RUBCN: variants seen among roughly 807,000 people sequenced by gnomAD.
RUBCN encodes run domain Beclin-1-interacting and cysteine-rich domain-containing protein.
In RUBCN, 74 loss-of-function variants were observed where a neutral mutation model predicts 113.2. The ratio of observed to expected loss-of-function variants is 0.65; its 90% CI spans 0.54 to 0.79. The LOEUF (loss-of-function observed/expected upper bound fraction) is 0.79, where lower values mean the gene tolerates loss of function less well. Ranked by LOEUF, RUBCN falls within the 30% of genes least tolerant of loss-of-function variation. The pLI, the probability that RUBCN is intolerant of heterozygous loss-of-function variation, is 0.00. For synonymous variants in RUBCN, 480 were observed against 490.0 expected (o/e 0.98, Z 0.27); for missense variants, 1,109 against 1,251.7 (o/e 0.89, Z 1.72).
chr3:197,730,182 C>T (rs558831505), intron 1 of RUBCN, among the ~76,000 whole-genome samples: 2 of 152,108 alleles, frequency 1.3e-5, no homozygotes, highest in Admixed American at 1.3e-4. Flanking sequence ...GTAAGAGAAC[C>T]CTGATTTTCC....
chr3:197,712,447 A>C (rs1404628850), intron 2 of RUBCN, among the ~76,000 whole-genome samples: 2 of 152,216 alleles, frequency 1.3e-5, no homozygotes, highest in African/African-American at 4.8e-5. Flanking sequence ...ACGAGGGCAC[A>C]ACACCCAGAA....
At chr3:197,677,741 TCTGA>T (rs1254613853) in intron 16 of RUBCN, among the ~76,000 whole-genome samples, 200 bp from the exon 17 acceptor site, 16 of 150,690 alleles carry the variant, frequency 1.1e-4, no homozygotes, top group Admixed American at 2.0e-4. Context: ...TGTCCCACAC[TCTGA>T]CTGACAACTG....
At chr3:197,720,065 T>C (rs2108965260) in intron 1 of RUBCN, among the ~76,000 whole-genome samples, 1 of 152,186 alleles carries the variant, frequency 6.6e-6, no homozygotes, top group Middle Eastern at 3.4e-3. Flanking sequence ...TTGACCGATC[T>C]CTCTCCATGC....
intron 1 of RUBCN, among the ~76,000 whole-genome samples, chr3:197,743,915 C>A (rs1011164144): frequency 6.6e-6 from 1 of 151,950 alleles, no homozygotes; most frequent in Admixed American, 6.6e-5. Flanking sequence ...ACCCGGGAGG[C>A]GGAGGTTGCA....
intron 5 of RUBCN, among the ~76,000 whole-genome samples, chr3:197,702,793 T>TA (rs994017741): frequency 4.6e-5 from 7 of 152,186 alleles, no homozygotes; most frequent in African/African-American, 1.7e-4. Flanking sequence ...AGTGATGGGA[T>TA]AAGTTAATTT....
At chr3:197,736,953 C>T (rs9837198), upstream of RUBCN, 3 of 1,309,718 alleles carry the variant, frequency 2.3e-6, no homozygotes, top group Non-Finnish European at 9.7e-7. Context: ...CACTCCGAGG[C>T]TAGGCCGCTC....
chr3:197,682,391 C>A (rs1008365782), intron 14 of RUBCN, 79 bp downstream of exon 14: 23 of 1,543,444 alleles, frequency 1.5e-5, no homozygotes, highest in African/African-American at 2.7e-5. Context: ...GAGGCAGGGA[C>A]AAGTGGGTGA....
intron 1 of RUBCN, among the ~76,000 whole-genome samples, chr3:197,732,617 G>A (rs1727649950): frequency 6.6e-6 from 1 of 152,216 alleles, no homozygotes; most frequent in Non-Finnish European, 1.5e-5. Flanking sequence ...CCAGTGTAGT[G>A]TAGTAGTTTT....
chr3:197,696,127 A>C, intron 8 of RUBCN, 146 bp from the exon 9 acceptor site: 1 of 798,194 alleles, frequency 1.3e-6, no homozygotes, highest in Non-Finnish European at 2.1e-6. Flanking sequence ...AATTTCTTGC[A>C]CTTTGGGAGG....
chr3:197,721,621 CT>C (rs1352518330), intron 1 of RUBCN, among the ~76,000 whole-genome samples: 1 of 151,476 alleles, frequency 6.6e-6, no homozygotes, highest in Non-Finnish European at 1.5e-5. Context: ...TTTATTATTT[CT>C]TTCCTTCTAC....
At chr3:197,730,493 G>C (rs1381960164) in intron 1 of RUBCN, among the ~76,000 whole-genome samples, 1 of 152,028 alleles carries the variant, frequency 6.6e-6, no homozygotes, top group Non-Finnish European at 1.5e-5. Flanking sequence ...TCTGGAAGCA[G>C]AGCCCAGAGA....
chr3:197,683,914 T>C lies in RUBCN; in HGVS notation c.1847+243A>G, dbSNP rs1310073063. ...GACCTTCTGGGGCCTCTGGTTATGA[T>C]GAGAGTCAGCAGAGAAGGAATAACT... On this transcript the variant is annotated intron_variant, in intron 12 of 19. Transcript: ENST00000296343. This position sits in a 1 kb window ranked among gnomAD's most constrained non-coding sequence, Gnocchi z 4.6. 6.6e-6 allele frequency among the ~76,000 whole-genome samples: 1 copy of C among 152,112 alleles called. No individual in the cohort carries two copies. The highest frequency in any genetic ancestry group is 1.5e-5 in the Non-Finnish European group (1 of 68,024).
upstream of RUBCN, among the ~76,000 whole-genome samples, chr3:197,739,934 G>C (rs546663785): frequency 6.6e-6 from 1 of 152,230 alleles, no homozygotes; most frequent in South Asian, 2.1e-4. Flanking sequence ...CAGCTACTTG[G>C]GTGGCTGAGG....
chr3:197,679,771 A>C, intron 16 of RUBCN, among the ~76,000 whole-genome samples: 3 of 141,132 alleles, frequency 2.1e-5, no homozygotes, highest in Admixed American at 7.1e-5. Context: ...CGCTCTGACA[A>C]CTGGCTTCAG....
rs531247581 is a variant in RUBCN at position 197,733,092 on chromosome 3, G to A, written c.65+3563C>T. Among the ~76,000 whole-genome samples the A allele has an allele frequency of 2.4e-4, 37 of 152,320 alleles. 1 individual carries two copies. The South Asian group carries it at 7.5e-3, about 31-fold the overall frequency. On this transcript the variant is annotated intron_variant, in intron 1 of 19. Transcript: ENST00000296343. ...TTAATCCGTGAACTAGGATTCAAAT[G>A]CAGGTCTGACTTTAAAGCTTATTCA...
intron 2 of RUBCN, among the ~76,000 whole-genome samples, 190 bp from the exon 3 acceptor site, chr3:197,705,365 G>A (rs1475097797): frequency 6.6e-6 from 1 of 151,988 alleles, no homozygotes; most frequent in Non-Finnish European, 1.5e-5. Context: ...AGCACTTCAG[G>A]AGGACTGCTT....
intron 7 of RUBCN, among the ~76,000 whole-genome samples, chr3:197,698,772 C>G (rs1219365555): frequency 7.3e-6 from 1 of 136,326 alleles, no homozygotes; most frequent in East Asian, 2.2e-4. Context: ...ACAGGAGGAT[C>G]ACTTGAAGCC....
In RUBCN at chr3:197,736,865, G is replaced by A; in HGVS notation, c.-146C>T. On this transcript the variant is annotated 5_prime_UTR_variant, in exon 1 of 20. Transcript: ENST00000296343. ...CGCTACACCCGGGCGGCGACAGCGG[G>A]AGGGACCGCCGCCTGGGCTGCGGCT... 3 of 1,378,072 alleles carry A rather than the reference G, an allele frequency of 2.2e-6. No individual in the cohort carries two copies. Among genetic ancestry groups the A allele is most frequent in the Non-Finnish European group, 2.8e-6 (3 of 1,073,508 alleles). 85.4% of individuals were successfully genotyped at this position (1,378,072 alleles called of 1,614,324 possible).
intron 1 of RUBCN, among the ~76,000 whole-genome samples, chr3:197,725,071 C>A (rs1056017524): frequency 2.6e-5 from 4 of 152,088 alleles, no homozygotes; most frequent in Admixed American, 6.6e-5. Context: ...CTGAACAAAC[C>A]AGAAGCTGGA....
Sources: gnomAD v4.1 joint callset for allele counts (sites outside exome capture counted in the v4.1 genomes callset) on GRCh38, gnomAD v4.1.1 for gene constraint, Gnocchi (gnomAD v3.1) non-coding constraint, MANE v1.5 for transcripts, NCBI Gene and HGNC (gene_info 2026-07-23, HGNC 2026-07-21) for gene names.